DPEP2: variants seen among roughly 807,000 people sequenced by gnomAD.
DPEP2 encodes the protein dipeptidase 2.
DPEP2 carries 45 observed loss-of-function variants against 51.8 expected under a neutral mutation model. The observed-to-expected ratio is 0.87, with a 90% CI of 0.68 to 1.11. DPEP2 has a LOEUF of 1.11. DPEP2 is among the 50% of genes most tolerant of loss of function. The probability of loss-of-function intolerance (pLI) is 0.00; values close to 1 mark genes in which losing one functional copy is unlikely to be tolerated. For synonymous variants in DPEP2, 255 were observed against 262.7 expected (o/e 0.97, Z 0.28); for missense variants, 604 against 631.9 (o/e 0.96, Z 0.47).
In DPEP2 at chr16:67,991,775, A is replaced by G; in HGVS notation, c.662+63T>C. 1 of 1,586,282 alleles carries G rather than the reference A, an allele frequency of 6.3e-7. No individual in the cohort carries two copies. ...TGGGTAAAGCTTGTTCTGGGCCCAC[A>G]GTGACCTCAGGCAGATCTCTGCCCC... On this transcript the variant is annotated intron_variant, in intron 5 of 10. Coordinates refer to ENST00000393847, the MANE Select transcript of DPEP2 (RefSeq NM_022355.4). The surrounding 1 kb of genome is among the most constrained non-coding windows in gnomAD (Gnocchi z 5.1).
chr16:67,989,265 C>T (rs889285719), intron 9 of DPEP2, 58 bp downstream of exon 9: 21 of 1,587,928 alleles, frequency 1.3e-5, no homozygotes, highest in East Asian at 4.5e-5. Flanking sequence ...CTATGGTGAC[C>T]GTGAAGGCCC....
At chr16:67,997,678 A>G (rs979311676) in intron 1 of DPEP2, among the ~76,000 whole-genome samples, 5 of 152,186 alleles carry the variant, frequency 3.3e-5, no homozygotes, top group Admixed American at 1.3e-4. Flanking sequence ...AATGGAAGAA[A>G]TAGGTATGGC....
At position 67,993,122 on chromosome 16, in the gene DPEP2, T is replaced by C; in HGVS notation, c.91A>G (p.Thr31Ala). Residue 31 changes from threonine (T) to alanine (A), a missense_variant, in exon 2 of 11, where the codon ACC becomes GCC. Thr to Ala is a moderately conservative substitution (Grantham distance 58). Coordinates refer to ENST00000393847, the MANE Select transcript of DPEP2 (RefSeq NM_022355.4). ...GGGCCTGGCGTGGTGTAGGCACAGG[T>C]TACAGGCTGGAGCAGCAGCAGCAGG... ...LLLLLLLQPV[T>A]CAYTTPGPPR... 1.3e-6 allele frequency: 2 copies of C among 1,555,012 alleles called. No homozygotes were observed. The highest frequency in any genetic ancestry group is 1.2e-5 in the South Asian group (1 of 84,790).
chr16:67,993,607 G>A, intron 1 of DPEP2: 1 of 998,436 alleles, frequency 1.0e-6, no homozygotes, highest in Non-Finnish European at 1.2e-6. Context: ...GAGGGCCTGG[G>A]GTGCTTCCCC....
At chr16:67,996,534 A>C (rs2032706307) in intron 1 of DPEP2, among the ~76,000 whole-genome samples, 1 of 151,970 alleles carries the variant, frequency 6.6e-6, no homozygotes, top group African/African-American at 2.4e-5. Context: ...GGCATGTGCC[A>C]CCACACCTGG....
intron 1 of DPEP2, among the ~76,000 whole-genome samples, chr16:67,998,709 C>T (rs777669518): frequency 6.6e-6 from 1 of 151,204 alleles, no homozygotes; most frequent in Non-Finnish European, 1.5e-5. Flanking sequence ...ACAATCTTTA[C>T]GTCTAGCTCA....
chr16:67,991,246 G>A lies in DPEP2; in HGVS notation c.663-62C>T, dbSNP rs2032115400. 3.2e-6 allele frequency: 5 copies of A among 1,554,194 alleles called. No individual in the cohort carries two copies. The highest frequency in any genetic ancestry group is 4.4e-6 in the Non-Finnish European group (5 of 1,134,342). On this transcript the variant is annotated intron_variant, in intron 5 of 10. Transcript: ENST00000393847. The surrounding 1 kb of genome is among the most constrained non-coding windows in gnomAD (Gnocchi z 5.1). The stretch of plus-strand genomic sequence containing the variant: ...GTTCCTCGGCCTCAAGAGTCTAGAG[G>A]CCCTACCCACCCTCCATCCCTGCAC...
intron 1 of DPEP2, chr16:67,993,476 C>T (rs956726378): frequency 8.1e-7 from 1 of 1,233,596 alleles, no homozygotes; most frequent in Admixed American, 3.9e-5. Flanking sequence ...GGATCCCTGT[C>T]CTGGGCGCCC....
rs756788061 is a variant in DPEP2, at chr16:67,992,196, G to C, written c.391-3C>G. 1.9e-6 allele frequency: 3 copies of C among 1,613,468 alleles called. No individual in the cohort carries two copies. The highest frequency in any genetic ancestry group is 2.2e-5 in the South Asian group (2 of 91,064). On this transcript the variant is annotated splice_region_variant and splice_polypyrimidine_tract_variant and intron_variant, in intron 3 of 10. Transcript: ENST00000393847. Reference sequence around the variant, plus strand: ...CATGGCACATAGGCTGACCAGAACTGGGGGGAAGGCCAGGGTTTGGCTTGG... The same window carrying C: ...CATGGCACATAGGCTGACCAGAACTCGGGGGAAGGCCAGGGTTTGGCTTGG...
chr16:67,996,999 A>ATTAT (rs1555506651), intron 1 of DPEP2, among the ~76,000 whole-genome samples: 4 of 139,116 alleles, frequency 2.9e-5, no homozygotes, highest in Non-Finnish European at 6.2e-5. Context: ...ATAGATAATG[A>ATTAT]TATTATTATT....
intron 1 of DPEP2, chr16:67,994,868 G>T (rs2032588808): frequency 1.0e-6 from 1 of 985,402 alleles, no homozygotes; most frequent in South Asian, 4.7e-5. Context: ...CTCGAGGTGG[G>T]TTAACTGTCA....
At chr16:67,993,304 C>T in intron 1 of DPEP2, 47 bp from the exon 2 acceptor site, 1 of 1,348,150 alleles carries the variant, frequency 7.4e-7, no homozygotes, top group East Asian at 3.0e-5. Flanking sequence ...GAGTCCCGAC[C>T]CTCGATTCAG....
chr16:67,989,254 G>C, intron 9 of DPEP2, 69 bp downstream of exon 9: 1 of 1,551,622 alleles, frequency 6.4e-7, no homozygotes, highest in South Asian at 1.1e-5. Context: ...GGACGTGATG[G>C]CTATGGTGAC....
At chr16:67,989,216 G>C (rs1787458662) in intron 9 of DPEP2, 107 bp downstream of exon 9, 1 of 1,220,858 alleles carries the variant, frequency 8.2e-7, no homozygotes, top group Admixed American at 1.9e-5. Flanking sequence ...CCAGAGAACT[G>C]ATCCCGGGAG....
chr16:67,987,578 T>C lies in DPEP2; in HGVS notation c.1389A>G (p.Ser463=). 2 of 1,614,106 alleles carry C rather than the reference T, an allele frequency of 1.2e-6. No individual in the cohort carries two copies. Among genetic ancestry groups the C allele is most frequent in the Non-Finnish European group, 1.7e-6 (2 of 1,179,980 alleles). Residue 463 remains serine, a synonymous_variant, in exon 11 of 11, where the codon TCA becomes TCG. Coordinates refer to ENST00000393847, the MANE Select transcript of DPEP2 (RefSeq NM_022355.4). ...CTGGGGCCATGTGGGGGGAGGACTC[T>C]GAGACTGACCACTTGGCTGGTAACT... The part of the protein sequence containing the change: ...TAKLPAKWSV[S]ESSPHMAPVL...
At chr16:67,987,812 C>T (rs776288985) in intron 10 of DPEP2, 40 bp downstream of exon 10, 2 of 1,614,000 alleles carry the variant, frequency 1.2e-6, no homozygotes, top group Non-Finnish European at 1.7e-6. Flanking sequence ...GATACACTTG[C>T]TCAGACCCCT....
In DPEP2 at chr16:67,990,914, T is replaced by C; in HGVS notation, c.816A>G (p.Glu272=). 1.2e-6 allele frequency: 2 copies of C among 1,614,204 alleles called. No homozygotes were observed. The highest frequency in any genetic ancestry group is 1.7e-6 in the Non-Finnish European group (2 of 1,180,050). ...VSDAVARRAL[E]VSQAPVIFSH... is the part of the protein sequence containing the mutation. The stretch of plus-strand genomic sequence containing the variant: ...AGAAGATCACAGGTGCCTGTGACAC[T>C]TCCAGGGCCCGCCGTGCCACAGCAT... The change falls in exon 7 of 11, where the codon GAA becomes GAG. Residue 272 remains glutamate (E), a synonymous_variant. Transcript: ENST00000393847.
intron 1 of DPEP2, among the ~76,000 whole-genome samples, chr16:67,996,615 C>T (rs2032709763): frequency 6.6e-6 from 1 of 152,070 alleles, no homozygotes; most frequent in Non-Finnish European, 1.5e-5. Flanking sequence ...CTCCTGACCT[C>T]AGGTAATCCA....
chr16:67,991,026 CAG>C lies in DPEP2; in HGVS notation c.733-31_733-30del, dbSNP rs764493697. On this transcript the variant is annotated intron_variant, in intron 6 of 10. Coordinates refer to ENST00000393847, the MANE Select transcript of DPEP2 (RefSeq NM_022355.4). This position sits in a 1 kb window ranked among gnomAD's most constrained non-coding sequence, Gnocchi z 5.1. ...CAGGGACATGTTGGGAGAAGGGTAT[CAG>C]GGGTGCACATGTGTATACATTTATT... is the stretch of plus-strand genomic sequence containing the variant. 6.8e-6 allele frequency: 11 copies of C among 1,613,830 alleles called. No homozygotes were observed. The highest frequency in any genetic ancestry group is 2.2e-5 in the East Asian group (1 of 44,888).
Sources: gnomAD v4.1 joint callset for allele counts (sites outside exome capture counted in the v4.1 genomes callset) on GRCh38, gnomAD v4.1.1 for gene constraint, Gnocchi (gnomAD v3.1) non-coding constraint, MANE v1.5 for transcripts, NCBI Gene and HGNC (gene_info 2026-07-23, HGNC 2026-07-21) for gene names.